Variants in ZRANB3 observed in about 807,000 individuals in gnomAD.
ZRANB3 encodes the protein zinc finger RANBP2-type containing 3.
Under a neutral mutation model 133.8 loss-of-function variants are expected in ZRANB3, and 125 were observed. That is an observed-to-expected ratio of 0.93 (90% confidence interval 0.81 to 1.08). The LOEUF (loss-of-function observed/expected upper bound fraction) is 1.08, where lower values mean the gene tolerates loss of function less well. Among genes scored for constraint, ZRANB3 ranks in the 50% least tolerant of loss-of-function variants. The pLI, the probability that ZRANB3 is intolerant of heterozygous loss-of-function variation, is 0.00. For missense variants in ZRANB3, 1,229 were observed against 1,275.5 expected (o/e 0.96, Z 0.56); for synonymous variants, 387 against 432.7 (o/e 0.89, Z 1.31).
intron 2 of ZRANB3, among the ~76,000 whole-genome samples, chr2:135,449,898 T>C (rs978083306): frequency 2.0e-5 from 3 of 152,098 alleles, no homozygotes; most frequent in East Asian, 3.9e-4. Flanking sequence ...CCTGGGACTA[T>C]AGGCAAAGAC....
At chr2:135,259,763 C>T (rs769611126) in intron 12 of ZRANB3, among the ~76,000 whole-genome samples, 1 of 152,004 alleles carries the variant, frequency 6.6e-6, no homozygotes, top group Non-Finnish European at 1.5e-5. Flanking sequence ...ATTACCCATA[C>T]TAAATTAGAG....
At chr2:135,262,916 T>G (rs1353185652) in intron 12 of ZRANB3, among the ~76,000 whole-genome samples, 1 of 151,942 alleles carries the variant, frequency 6.6e-6, no homozygotes, top group Non-Finnish European at 1.5e-5. Flanking sequence ...ATTTTACATA[T>G]AGCATTTGTT....
chr2:135,313,356 A>G, intron 8 of ZRANB3, 133 bp downstream of exon 8: 1 of 366,444 alleles, frequency 2.7e-6, no homozygotes, highest in South Asian at 6.9e-5. Flanking sequence ...CCCAACTCAA[A>G]AAAAAAAAAA....
intron 12 of ZRANB3, among the ~76,000 whole-genome samples, chr2:135,233,224 G>A (rs370461306): frequency 5.3e-5 from 8 of 152,118 alleles, no homozygotes; most frequent in East Asian, 1.9e-4. Flanking sequence ...GAAATGAAGC[G>A]AGCAGAGAAA....
intron 1 of ZRANB3, among the ~76,000 whole-genome samples, chr2:135,529,978 A>G (rs1017772072): frequency 6.6e-6 from 1 of 151,504 alleles, no homozygotes; most frequent in Non-Finnish European, 1.5e-5. Context: ...CTGTAATCCC[A>G]GCACTTTGGG....
Position 135,198,337 on chromosome 2 carries a change from A to G in ZRANB3, c.*2005T>C, listed in dbSNP as rs1319099147. On this transcript the variant is annotated 3_prime_UTR_variant, in exon 21 of 21. Transcript: ENST00000264159. ...AACCCTTCATCTCAATGTGCCCCAC[A>G]AGTAATGCAGACCAAATTAGGGGAA... is the stretch of plus-strand genomic sequence containing the variant. 1 of 152,262 alleles carries G rather than the reference A, an allele frequency of 6.6e-6. No homozygotes were observed. The highest frequency in any genetic ancestry group is 1.5e-5 in the Non-Finnish European group (1 of 68,088). 9.4% of individuals were successfully genotyped at this position (152,262 alleles called of 1,614,324 possible).
intron 3 of ZRANB3, among the ~76,000 whole-genome samples, chr2:135,363,046 C>T (rs559170141): frequency 6.6e-6 from 1 of 152,132 alleles, no homozygotes; most frequent in Non-Finnish European, 1.5e-5. Context: ...AGTTACAGCT[C>T]TACAACGTAG....
rs546380314 is a variant in ZRANB3 at position 135,363,485 on chromosome 2, G to A, written c.181-9857C>T. On this transcript the variant is annotated intron_variant, in intron 3 of 20. Transcript: ENST00000264159. ...AATAAATTTTCCATAATTTTTGTAC[G>A]TTTTAAATCTGTTTTGTAAAATTAA... Among the ~76,000 whole-genome samples the A allele has an allele frequency of 9.5e-4, 144 of 152,250 alleles. 2 individuals are homozygous for A. Among genetic ancestry groups the A allele is most frequent in the African/African-American group, 3.0e-3 (126 of 41,548 alleles).
intron 12 of ZRANB3, among the ~76,000 whole-genome samples, chr2:135,232,356 C>T (rs148539796): frequency 0.062 from 9,444 of 152,288 alleles, 580 homozygotes; most frequent in African/African-American, 0.16. Flanking sequence ...TAGACTCCAT[C>T]CACCTCTGGG....
Position 135,227,966 on chromosome 2 carries a change from A to C in ZRANB3, c.2004T>G (p.Asp668Glu). 6.4e-7 allele frequency: 1 copy of C among 1,552,200 alleles called. No individual in the cohort carries two copies. Among genetic ancestry groups the C allele is most frequent in the South Asian group, 1.2e-5 (1 of 84,060 alleles). ...LNHIQDKNEKDDSQKDTSKKV... is the reference protein window; with the variant it reads ...LNHIQDKNEKEDSQKDTSKKV... ...TTTTGGAGGTGTCTTTCTGAGAATCATCCTTCTCGTTTTTATCCTGGATAT... is the reference window on the plus strand; with the variant it reads ...TTTTGGAGGTGTCTTTCTGAGAATCCTCCTTCTCGTTTTTATCCTGGATAT... Residue 668 changes from aspartate to glutamate, a missense_variant, in exon 14 of 21, where the codon GAT becomes GAG. Transcript: ENST00000264159.
intron 8 of ZRANB3, among the ~76,000 whole-genome samples, chr2:135,294,753 T>C (rs1224830588): frequency 6.6e-6 from 1 of 152,182 alleles, no homozygotes. Flanking sequence ...AATTTCCCTC[T>C]ACACACTGCT....
Position 135,265,671 on chromosome 2 carries a change from T to A in ZRANB3, c.1402A>T (p.Ser468Cys). ...MLNRKAQVTG[S>C]TLNGRKEKIQ... ...TTTTCTTTCCTACCGTTCAGTGTGC[T>A]CCCTGTAACTTGAGCCTACAAGAGG... The change falls in exon 12 of 21, where the codon AGC becomes TGC. Residue 468 changes from serine to cysteine, a missense_variant. By Grantham distance (112) the Ser-to-Cys change is moderately radical. Coordinates refer to ENST00000264159, the MANE Select transcript of ZRANB3 (RefSeq NM_032143.4). The A allele has an allele frequency of 6.2e-7, 1 of 1,613,086 alleles. No homozygotes were observed. Among genetic ancestry groups the A allele is most frequent in the Non-Finnish European group, 8.5e-7 (1 of 1,179,560 alleles).
chr2:135,483,779 T>C (rs1691959582), intron 2 of ZRANB3, among the ~76,000 whole-genome samples: 1 of 152,238 alleles, frequency 6.6e-6, no homozygotes, highest in Non-Finnish European at 1.5e-5. Context: ...ACACACTGCT[T>C]TGAATGCGTC....
intron 6 of ZRANB3, among the ~76,000 whole-genome samples, chr2:135,317,160 ATAAT>A (rs1411680690): frequency 6.6e-6 from 1 of 152,126 alleles, no homozygotes; most frequent in East Asian, 1.9e-4. Flanking sequence ...GGATTTGCTT[ATAAT>A]TGTTATAAAT....
chr2:135,259,016 T>G (rs1679808219), intron 12 of ZRANB3, among the ~76,000 whole-genome samples: 1 of 152,182 alleles, frequency 6.6e-6, no homozygotes, highest in Non-Finnish European at 1.5e-5. Flanking sequence ...GTGTTTTCTT[T>G]TTGAATTTTG....
chr2:135,371,737 G>A (rs1443723377), intron 3 of ZRANB3, among the ~76,000 whole-genome samples: 2 of 151,856 alleles, frequency 1.3e-5, no homozygotes, highest in Non-Finnish European at 2.9e-5. Flanking sequence ...TTTTTGAAAA[G>A]ATTCCTGTCA....
intron 5 of ZRANB3, among the ~76,000 whole-genome samples, chr2:135,348,615 G>A (rs1321436108): frequency 1.3e-5 from 2 of 152,024 alleles, no homozygotes; most frequent in Non-Finnish European, 2.9e-5. Context: ...TTATTTTTGA[G>A]ACAGAGTCTC....
chr2:135,227,783 T>C (rs1432740500), intron 14 of ZRANB3, 29 bp downstream of exon 14: 1 of 1,551,038 alleles, frequency 6.4e-7, no homozygotes, highest in Non-Finnish European at 8.7e-7. Context: ...GGTTATTACT[T>C]GGATGCTAGA....
intron 2 of ZRANB3, among the ~76,000 whole-genome samples, chr2:135,455,886 G>A (rs879307301): frequency 3.3e-5 from 5 of 152,026 alleles, no homozygotes; most frequent in Non-Finnish European, 7.4e-5. Flanking sequence ...GAGCCACCGC[G>A]CCCGGCCCAA....
Sources: gnomAD v4.1 joint callset for allele counts (sites outside exome capture counted in the v4.1 genomes callset) on GRCh38, gnomAD v4.1.1 for gene constraint, MANE v1.5 for transcripts, NCBI Gene and HGNC (gene_info 2026-07-23, HGNC 2026-07-21) for gene names.